R3HDM1: variants seen among roughly 807,000 people sequenced by gnomAD.
The protein encoded by R3HDM1 is R3H domain-containing protein 1.
In R3HDM1, 46 loss-of-function variants were observed where a neutral mutation model predicts 141.1. The observed-to-expected ratio is 0.33, with a 90% CI of 0.26 to 0.42. The LOEUF (loss-of-function observed/expected upper bound fraction) is 0.42, where lower values mean the gene tolerates loss of function less well. R3HDM1 is among the 10% of genes least tolerant of loss of function. The pLI, the probability that R3HDM1 is intolerant of heterozygous loss-of-function variation, is 1.00. For synonymous variants in R3HDM1, 435 were observed against 472.9 expected, an observed-to-expected ratio of 0.92 and a Z score of 1.04; for missense variants, 1,184 against 1,368.3, an observed-to-expected ratio of 0.87 and a Z score of 2.12.
intron 3 of R3HDM1, among the ~76,000 whole-genome samples, chr2:135,613,673 G>A (rs1032281501): frequency 1.3e-5 from 2 of 152,230 alleles, no homozygotes; most frequent in Admixed American, 1.3e-4. Context: ...AAAATTAGCT[G>A]GGCATGGTGG....
Position 135,559,095 on chromosome 2 carries a change from A to G in R3HDM1, c.-250+27462A>G, listed in dbSNP as rs1014095770. 4,045 of 655,992 alleles carry G rather than the reference A, an allele frequency of 6.2e-3. 18 individuals are homozygous for G. Among genetic ancestry groups the G allele is most frequent in the Admixed American group, 0.022 (197 of 8,966 alleles). 40.6% of individuals were successfully genotyped at this position (655,992 alleles called of 1,614,324 possible). Reference sequence around the variant, plus strand: ...TGTGTGTGTGTGTGTGTGTGTGTGCATGCGTGTGTGTGTGTGGTTTTGTTG... The same window carrying G: ...TGTGTGTGTGTGTGTGTGTGTGTGCGTGCGTGTGTGTGTGTGGTTTTGTTG... On this transcript the variant is annotated intron_variant, in intron 1 of 26. Coordinates refer to ENST00000683871, the MANE Select transcript of R3HDM1 (RefSeq NM_001378107.1).
chr2:135,709,589 G>A (rs868764398), intron 22 of R3HDM1, 53 bp downstream of exon 22: 64 of 1,594,514 alleles, frequency 4.0e-5, no homozygotes, highest in South Asian at 3.9e-4. Context: ...GAAATAGTTC[G>A]ATTACTTTCC....
intron 19 of R3HDM1, chr2:135,667,679 A>G: frequency 6.1e-6 from 6 of 977,702 alleles, no homozygotes; most frequent in Non-Finnish European, 7.3e-6. Flanking sequence ...TTCTTGTAGC[A>G]TTTTTGAAAC....
At chr2:135,656,517 T>G (rs2065913014) in intron 18 of R3HDM1, 1 of 152,158 alleles carries the variant, frequency 6.6e-6, no homozygotes, top group African/African-American at 2.4e-5. Flanking sequence ...GTCATCCTTG[T>G]GCAGGGGCCA....
At chr2:135,656,326 G>A (rs763554846) in intron 18 of R3HDM1, among the ~76,000 whole-genome samples, 3 of 152,008 alleles carry the variant, frequency 2.0e-5, no homozygotes. Context: ...AGTGATTGGA[G>A]TGTCATTAGA....
chr2:135,725,156 T>C lies in R3HDM1; in HGVS notation c.*864T>C, dbSNP rs1274086623. On this transcript the variant is annotated 3_prime_UTR_variant, in exon 27 of 27. Transcript: ENST00000683871. ...CGGATCACTGGACATCAAAGATTCA[T>C]TGCACTTATGAACAAGGAACCTTCT... 6.6e-6 allele frequency: 1 copy of C among 152,662 alleles called. No individual in the cohort carries two copies. 9.5% of individuals were successfully genotyped at this position (152,662 alleles called of 1,614,324 possible).
intron 16 of R3HDM1, chr2:135,649,298 C>T (rs2105272483): frequency 6.6e-6 from 1 of 152,162 alleles, no homozygotes; most frequent in Non-Finnish European, 1.5e-5. Context: ...ATCTCCTGAC[C>T]TCGTGATCCG....
intron 1 of R3HDM1, chr2:135,597,194 A>G: frequency 3.1e-6 from 3 of 972,386 alleles, no homozygotes; most frequent in Non-Finnish European, 3.7e-6. Flanking sequence ...TCCTAAAATT[A>G]TTATTTATAT....
chr2:135,634,304 T>C (rs1310897458), intron 9 of R3HDM1, among the ~76,000 whole-genome samples: 1 of 152,108 alleles, frequency 6.6e-6, no homozygotes, highest in Non-Finnish European at 1.5e-5. Context: ...TTTACGTACT[T>C]TATTAGAAAT....
intron 19 of R3HDM1, among the ~76,000 whole-genome samples, chr2:135,669,837 G>A (rs1429507285): frequency 1.3e-5 from 2 of 152,132 alleles, no homozygotes; most frequent in Non-Finnish European, 2.9e-5. Context: ...TGAGGCTTAG[G>A]TATTAAGATT....
intron 1 of R3HDM1, chr2:135,561,469 C>T (rs577875994): frequency 2.9e-4 from 156 of 545,638 alleles, no homozygotes; most frequent in Non-Finnish European, 3.4e-4. Flanking sequence ...GAAATCCCAG[C>T]GCTTTGGTAG....
At chr2:135,698,377 T>C (rs897713379) in intron 21 of R3HDM1, among the ~76,000 whole-genome samples, 2 of 151,898 alleles carry the variant, frequency 1.3e-5, no homozygotes, top group Admixed American at 6.6e-5. Context: ...GCCAGGATGG[T>C]CTCAATCTCC....
rs75190453 is a variant in R3HDM1 at position 135,643,605 on chromosome 2, C to A, written c.1475-1774C>A. Among the ~76,000 whole-genome samples the A allele has an allele frequency of 3.7e-3, 560 of 152,184 alleles. 4 individuals are homozygous for A. The highest frequency in any genetic ancestry group is 0.013 in the African/African-American group (534 of 41,526). On this transcript the variant is annotated intron_variant, in intron 15 of 26. Transcript: ENST00000683871. ...AATCCAATTTTAGTAAAGAAAAATA[C>A]TAATCTTTTAATCTACTTATTGAAA...
intron 14 of R3HDM1, among the ~76,000 whole-genome samples, chr2:135,640,252 AGTT>A (rs2063667252): frequency 6.6e-6 from 1 of 152,228 alleles, no homozygotes. Context: ...TATGAATTGC[AGTT>A]GTCATCTTTT....
chr2:135,645,621 C>G, intron 16 of R3HDM1, 94 bp downstream of exon 16: 1 of 1,409,172 alleles, frequency 7.1e-7, no homozygotes, highest in South Asian at 1.4e-5. Context: ...GCCTAAGTAT[C>G]TCTTAGAACT....
intron 11 of R3HDM1, among the ~76,000 whole-genome samples, chr2:135,637,929 C>T (rs1052990935): frequency 2.6e-5 from 4 of 152,116 alleles, no homozygotes; most frequent in African/African-American, 4.8e-5. Flanking sequence ...GCTACTCAAA[C>T]GTGACAGCAG....
intron 24 of R3HDM1, among the ~76,000 whole-genome samples, chr2:135,718,586 T>G (rs769917528): frequency 1.3e-5 from 2 of 152,112 alleles, no homozygotes; most frequent in African/African-American, 2.4e-5. Context: ...CGGGCTCAGA[T>G]GATCCTCCCA....
At chr2:135,536,960 A>G (rs1158586315) in intron 1 of R3HDM1, among the ~76,000 whole-genome samples, 1 of 151,614 alleles carries the variant, frequency 6.6e-6, no homozygotes, top group Non-Finnish European at 1.5e-5. Flanking sequence ...GTTTCATCCC[A>G]TAACCATCCT....
intron 1 of R3HDM1, among the ~76,000 whole-genome samples, chr2:135,601,345 A>G (rs2105099961): frequency 6.6e-6 from 1 of 152,290 alleles, no homozygotes; most frequent in East Asian, 1.9e-4. Context: ...AAGTAATGTA[A>G]GGATATATCG....
Sources: gnomAD v4.1 joint callset for allele counts (sites outside exome capture counted in the v4.1 genomes callset) on GRCh38, gnomAD v4.1.1 for gene constraint, MANE v1.5 for transcripts, NCBI Gene and HGNC (gene_info 2026-07-23, HGNC 2026-07-21) for gene names.